The following MKLN1 variants were observed in gnomAD, a reference collection of about 807,000 sequenced individuals.
MKLN1 encodes the protein muskelin 1, also known as muskelin.
MKLN1 carries 18 observed loss-of-function variants against 99.0 expected under a neutral mutation model. That is an observed-to-expected ratio of 0.18 (90% CI 0.13 to 0.27). The LOEUF is 0.27. MKLN1 is among the 10% of genes least tolerant of loss of function. The probability of loss-of-function intolerance (pLI) is 1.00; values close to 1 mark genes in which losing one functional copy is unlikely to be tolerated. For synonymous variants in MKLN1, 288 were observed against 293.2 expected, an observed-to-expected ratio of 0.98 and a Z score of 0.18; for missense variants, 621 against 875.9, an observed-to-expected ratio of 0.71 and a Z score of 3.67.
chr7:131,372,839 C>A (rs1793506492), intron 1 of MKLN1, among the ~76,000 whole-genome samples: 2 of 150,932 alleles, frequency 1.3e-5, no homozygotes, highest in Admixed American at 6.6e-5. Context: ...CAAATCCTTA[C>A]TTAGCTGTAT....
chr7:131,353,134 G>A (rs912089729), intron 1 of MKLN1, among the ~76,000 whole-genome samples: 2 of 152,100 alleles, frequency 1.3e-5, no homozygotes, highest in Non-Finnish European at 2.9e-5. Context: ...GAAAAATGCC[G>A]AAGAGTCCAA....
intron 2 of MKLN1, among the ~76,000 whole-genome samples, chr7:131,151,454 T>C (rs1563232273): frequency 6.6e-6 from 1 of 152,224 alleles, no homozygotes; most frequent in East Asian, 1.9e-4. Flanking sequence ...TCCTAAGCTA[T>C]AAATTTAAGA....
chr7:131,162,000 TGTAACAGAGTG>T (rs1796060963), intron 2 of MKLN1, among the ~76,000 whole-genome samples: 2 of 127,026 alleles, frequency 1.6e-5, no homozygotes, highest in South Asian at 2.4e-4. Flanking sequence ...TATATATATA[TGTAACAGAGTG>T]ATATACAAAT....
intron 17 of MKLN1, among the ~76,000 whole-genome samples, chr7:131,484,650 C>T (rs1230552013): frequency 1.3e-5 from 2 of 152,080 alleles, no homozygotes; most frequent in Non-Finnish European, 2.9e-5. Context: ...AAAAATATAA[C>T]ACAGCATTGT....
intron 3 of MKLN1, among the ~76,000 whole-genome samples, chr7:131,208,731 G>C (rs371018867): frequency 6.6e-6 from 1 of 152,282 alleles, no homozygotes. Flanking sequence ...CCTGCCATGT[G>C]CCTTCATCTG....
chr7:131,396,247 A>G (rs1413371366), intron 4 of MKLN1, among the ~76,000 whole-genome samples: 1 of 151,688 alleles, frequency 6.6e-6, no homozygotes, highest in Non-Finnish European at 1.5e-5. Context: ...TATTTTTTCT[A>G]TTTTTAGTGG....
chr7:131,232,172 T>C (rs1006862497), intron 3 of MKLN1, among the ~76,000 whole-genome samples: 1 of 152,174 alleles, frequency 6.6e-6, no homozygotes, highest in Non-Finnish European at 1.5e-5. Context: ...CGTTCTGAAA[T>C]TGACTTATTG....
intron 1 of MKLN1, among the ~76,000 whole-genome samples, chr7:131,328,389 C>G (rs957879163): frequency 6.6e-6 from 1 of 152,102 alleles, no homozygotes; most frequent in Non-Finnish European, 1.5e-5. Flanking sequence ...TGAGGTCGTC[C>G]GAGGTGGTCG....
chr7:131,153,788 G>A (rs530804077), intron 2 of MKLN1, among the ~76,000 whole-genome samples: 28 of 150,096 alleles, frequency 1.9e-4, no homozygotes, highest in East Asian at 7.9e-4. Flanking sequence ...TCAGCTTCCT[G>A]AGTAGCTAGG....
At chr7:131,459,738 T>C (rs1796458716) in intron 12 of MKLN1, among the ~76,000 whole-genome samples, 1 of 152,140 alleles carries the variant, frequency 6.6e-6, no homozygotes, top group African/African-American at 2.4e-5. Flanking sequence ...ATGCCATCTT[T>C]TTAAAAAAAA....
Position 131,416,708 on chromosome 7 carries a change from T to C in MKLN1, c.847+1998T>C, listed in dbSNP as rs1329221944. The stretch of plus-strand genomic sequence containing the variant: ...AAAAAAATATTTCAGCTAGGCACAG[T>C]GACTGTCTCGTGACTGTAGTTGCAA... On this transcript the variant is annotated intron_variant, in intron 8 of 17. Transcript: ENST00000352689. Among the ~76,000 whole-genome samples the C allele has an allele frequency of 2.0e-5, 3 of 152,100 alleles. No homozygotes were observed. The East Asian group carries it at 5.8e-4, about 29-fold the overall frequency.
At chr7:131,376,132 A>G (rs6961994) in intron 2 of MKLN1, among the ~76,000 whole-genome samples, 7,961 of 18,506 alleles carry the variant, frequency 0.43, 650 homozygotes, top group African/African-American at 0.51. Flanking sequence ...ATATATATAT[A>G]TATGTATGAT....
chr7:131,182,886 T>G (rs1394208112), intron 2 of MKLN1, among the ~76,000 whole-genome samples: 1 of 152,204 alleles, frequency 6.6e-6, no homozygotes, highest in East Asian at 1.9e-4. Flanking sequence ...GAAATGCCAG[T>G]GGGTTACACA....
rs150341205 is a variant in MKLN1, at chr7:131,222,755, G to A, written c.-179+19781G>A. ...TTTCAGGCCGGGTACAGTGGCTCAC[G>A]CCTGTAATCTCAACATTTTGGGAGG... On this transcript the variant is annotated intron_variant, in intron 3 of 7. Transcript: ENST00000416992. 5.2e-4 allele frequency among the ~76,000 whole-genome samples: 78 copies of A among 151,320 alleles called. No homozygotes were observed. The East Asian group carries it at 5.8e-3, about 11-fold the overall frequency.
At chr7:131,481,645 CAA>C (rs1363925001) in intron 17 of MKLN1, among the ~76,000 whole-genome samples, 1 of 152,058 alleles carries the variant, frequency 6.6e-6, no homozygotes, top group Non-Finnish European at 1.5e-5. Context: ...TATTTATAAA[CAA>C]GAAGTACTTT....
chr7:131,160,069 C>T (rs148988587), intron 2 of MKLN1, among the ~76,000 whole-genome samples: 20 of 152,246 alleles, frequency 1.3e-4, no homozygotes, highest in Non-Finnish European at 2.8e-4. Flanking sequence ...CTGGTAGAGT[C>T]ACTCTCAATT....
chr7:131,227,934 T>G (rs1358838700), intron 3 of MKLN1, among the ~76,000 whole-genome samples: 1 of 152,186 alleles, frequency 6.6e-6, no homozygotes, highest in Non-Finnish European at 1.5e-5. Context: ...TCCATGCTCT[T>G]CCCTTCCAGC....
At chr7:131,371,655 G>A (rs987070222) in intron 1 of MKLN1, among the ~76,000 whole-genome samples, 1 of 151,748 alleles carries the variant, frequency 6.6e-6, no homozygotes, top group East Asian at 1.9e-4. Context: ...GTTATGACAC[G>A]GCTCTCTTCC....
At chr7:131,378,355 G>A (rs1006760188) in intron 2 of MKLN1, among the ~76,000 whole-genome samples, 5 of 152,108 alleles carry the variant, frequency 3.3e-5, no homozygotes, top group African/African-American at 7.2e-5. Context: ...CAGGTGATCC[G>A]CCCACCTTGG....
Sources: gnomAD v4.1 joint callset for allele counts (sites outside exome capture counted in the v4.1 genomes callset) on GRCh38, gnomAD v4.1.1 for gene constraint, MANE v1.5 for transcripts, NCBI Gene and HGNC (gene_info 2026-07-23, HGNC 2026-07-21) for gene names.